ADGRE3: variants seen among roughly 807,000 people sequenced by gnomAD.
ADGRE3 encodes the protein EGF-like module receptor 3.
A neutral mutation model predicts 80.1 loss-of-function variants in ADGRE3; 88 were observed. The observed-to-expected ratio is 1.10, with a 90% CI of 0.93 to 1.31. The LOEUF (loss-of-function observed/expected upper bound fraction) is 1.31. Among genes scored for constraint, ADGRE3 ranks in the 40% most tolerant of loss-of-function variants. The pLI, the probability that ADGRE3 is intolerant of heterozygous loss-of-function variation, is 0.00. For missense variants in ADGRE3, 715 were observed against 776.5 expected (o/e 0.92, Z 0.94); for synonymous variants, 281 against 294.8 (o/e 0.95, Z 0.48).
At chr19:14,638,755 T>C (rs1225637744) in intron 10 of ADGRE3, among the ~76,000 whole-genome samples, 2 of 152,106 alleles carry the variant, frequency 1.3e-5, no homozygotes, top group East Asian at 3.8e-4. Flanking sequence ...ACTAAGACTT[T>C]GTATACTTTG....
the ADGRE3 span, among the ~76,000 whole-genome samples, chr19:14,601,374 C>G: frequency 6.6e-6 from 1 of 152,184 alleles, no homozygotes; most frequent in South Asian, 2.1e-4. Flanking sequence ...CACCTCCGTG[C>G]AACCAGAAGG....
At chr19:14,665,941 T>TATATGCATACATATATATAC (rs1261266823) in intron 2 of ADGRE3, among the ~76,000 whole-genome samples, 1 of 94,270 alleles carries the variant, frequency 1.1e-5, no homozygotes, top group African/African-American at 4.2e-5. Context: ...TATGTGTATA[T>TATATGCATACATATATATAC]ATATATATAT....
chr19:14,614,573 C>T (rs1454481689), downstream of ADGRE3, among the ~76,000 whole-genome samples: 4 of 151,626 alleles, frequency 2.6e-5, no homozygotes, highest in Non-Finnish European at 5.9e-5. Context: ...TTTACCAACG[C>T]CCGCCAATCT....
rs757036410 is a variant in ADGRE3, at chr19:14,647,838, G to A, written c.698-473C>T. ...CTCACACCTGTAACCCCAGCACTTT[G>A]GGAGGCTGAGGGGGTGGTGGATCAC... On this transcript the variant is annotated intron_variant, in intron 7 of 15. Transcript: ENST00000253673. Among the ~76,000 whole-genome samples the A allele has an allele frequency of 3.4e-4, 52 of 151,872 alleles. No homozygotes were observed. In the South Asian group the frequency reaches 4.6e-3, roughly 13 times the overall value.
At chr19:14,664,209 G>A (rs918202396) in intron 2 of ADGRE3, among the ~76,000 whole-genome samples, 7 of 151,982 alleles carry the variant, frequency 4.6e-5, no homozygotes, top group African/African-American at 1.2e-4. Flanking sequence ...AGGCTGAGGC[G>A]GGTGGATCAC....
At chr19:14,658,743 T>C (rs1458010020) in intron 4 of ADGRE3, among the ~76,000 whole-genome samples, 193 bp from the exon 5 acceptor site, 2 of 152,088 alleles carry the variant, frequency 1.3e-5, no homozygotes, top group African/African-American at 4.8e-5. Flanking sequence ...TTATTTTTTA[T>C]TTTTATTTTG....
rs750128292 is a variant in ADGRE3 at position 14,630,172 on chromosome 19, A to C, written c.1679T>G (p.Ile560Ser). 2.1e-5 allele frequency: 34 copies of C among 1,610,940 alleles called. No homozygotes were observed. Among genetic ancestry groups the C allele is most frequent in the Non-Finnish European group, 2.9e-5 (34 of 1,178,162 alleles). ...GCCCAGACACCATGTGCAGCCCAGGATGAAGAGCTGAGCTGTTGCTTTGAA... is the reference window on the plus strand; with the variant it reads ...GCCCAGACACCATGTGCAGCCCAGGCTGAAGAGCTGAGCTGTTGCTTTGAA... ...LAFKATAQLF[I>S]LGCTWCLGLL... Residue 560 changes from isoleucine to serine, a missense_variant, in exon 14 of 16, where the codon ATC becomes AGC. Transcript: ENST00000253673.
At chr19:14,644,718 G>C (rs141261037) in intron 8 of ADGRE3, among the ~76,000 whole-genome samples, 129 of 151,970 alleles carry the variant, frequency 8.5e-4, no homozygotes, top group African/African-American at 3.0e-3. Context: ...TGACTCAGGT[G>C]ATTTCTGTTT....
chr19:14,664,297 C>T (rs1332501839), intron 2 of ADGRE3, among the ~76,000 whole-genome samples: 1 of 151,982 alleles, frequency 6.6e-6, no homozygotes, highest in Non-Finnish European at 1.5e-5. Flanking sequence ...ATTAGCCAGG[C>T]GTAGTGGCAC....
rs1484106564 is a variant in ADGRE3 at position 14,636,008 on chromosome 19, TCTTTCTTCCTTCCTTCCTTC to T, written c.1484+2077_1484+2096del. 6.6e-5 allele frequency among the ~76,000 whole-genome samples: 5 copies of T among 76,074 alleles called. 1 individual carries two copies. Among genetic ancestry groups the T allele is most frequent in the African/African-American group, 2.8e-4 (5 of 17,758 alleles). 49.9% of individuals were successfully genotyped at this position (76,074 alleles called of 152,430 possible). A position where few individuals can be genotyped will look rare whatever the true frequency, so the allele number is the denominator to read the frequency against. ...GCTCTCCTTTCTCTCTCTTTCTCTT[TCTTTCTTCCTTCCTTCCTTC>T]CTTCCTTCCTTCCTTCCTTCCTTCC... On this transcript the variant is annotated intron_variant, in intron 11 of 15. Coordinates refer to ENST00000253673, the MANE Select transcript of ADGRE3 (RefSeq NM_032571.5).
chr19:14,668,569 T>A (rs1394186706), intron 2 of ADGRE3: 3 of 542,654 alleles, frequency 5.5e-6, no homozygotes, highest in Non-Finnish European at 9.8e-6. Flanking sequence ...CACTTTGTAC[T>A]CACTGTGGTT....
downstream of ADGRE3, among the ~76,000 whole-genome samples, chr19:14,616,051 C>A (rs904487657): frequency 6.6e-6 from 1 of 151,758 alleles, no homozygotes; most frequent in Non-Finnish European, 1.5e-5. Flanking sequence ...TCTGCCTCAG[C>A]CTCCCGAGTA....
the ADGRE3 span, among the ~76,000 whole-genome samples, chr19:14,608,582 G>A: frequency 5.3e-5 from 8 of 151,780 alleles, no homozygotes; most frequent in Non-Finnish European, 1.0e-4. Flanking sequence ...AAGCTCTCCA[G>A]GCTAATGGTT....
the ADGRE3 span, among the ~76,000 whole-genome samples, chr19:14,607,329 G>A: frequency 6.6e-6 from 1 of 150,652 alleles, no homozygotes; most frequent in Admixed American, 6.6e-5. Context: ...TCAGCCTCCC[G>A]AGTGGCTGGG....
At chr19:14,669,788 C>A (rs865948608) in intron 1 of ADGRE3, among the ~76,000 whole-genome samples, 1 of 152,140 alleles carries the variant, frequency 6.6e-6, no homozygotes, top group Admixed American at 6.6e-5. Context: ...CTCTGCCCAG[C>A]CCAATGACTA....
In ADGRE3 at chr19:14,638,130, G is replaced by T; in HGVS notation, c.1459C>A (p.Pro487Thr). Residue 487 changes from proline to threonine, a missense_variant, in exon 11 of 16, where the codon CCT (proline) becomes ACT (threonine). Pro to Thr is a conservative substitution (Grantham distance 38). Coordinates refer to ENST00000253673, the MANE Select transcript of ADGRE3 (RefSeq NM_032571.5). ...VTVAISAASWPHLYGTADRCW... is the reference protein window; with the variant it reads ...VTVAISAASWTHLYGTADRCW... ...CGATCAGCAGTTCCATAAAGGTGAG[G>T]CCAGGAGGCTGCAGAAATGGCCACA... 6.2e-7 allele frequency: 1 copy of T among 1,613,914 alleles called. No homozygotes were observed. Among genetic ancestry groups the T allele is most frequent in the Non-Finnish European group, 8.5e-7 (1 of 1,179,828 alleles).
chr19:14,633,233 C>T lies in ADGRE3; in HGVS notation c.1551+3G>A. 1 of 1,611,964 alleles carries T rather than the reference C, an allele frequency of 6.2e-7. No homozygotes were observed. The highest frequency in any genetic ancestry group is 8.5e-7 in the Non-Finnish European group (1 of 1,178,612). On this transcript the variant is annotated splice_donor_region_variant and intron_variant, in intron 12 of 15. Transcript: ENST00000253673. The stretch of plus-strand genomic sequence containing the variant: ...TTTGGGAACATCGAAGGCACATACT[C>T]ACAGAGAAAATGGCACAGACTGGGC...
chr19:14,615,562 A>G (rs1368075137), downstream of ADGRE3, among the ~76,000 whole-genome samples: 1 of 151,792 alleles, frequency 6.6e-6, no homozygotes, highest in Non-Finnish European at 1.5e-5. Context: ...TGAGTTCGAG[A>G]CCAGCCTGGG....
At chr19:14,647,422 T>G in intron 7 of ADGRE3, 57 bp from the exon 8 acceptor site, 2 of 1,380,106 alleles carry the variant, frequency 1.4e-6, no homozygotes, top group Admixed American at 5.1e-5. Flanking sequence ...TTTTTTTTTT[T>G]TTTTTTTGAG....
Sources: gnomAD v4.1 joint callset for allele counts (sites outside exome capture counted in the v4.1 genomes callset) on GRCh38, gnomAD v4.1.1 for gene constraint, MANE v1.5 for transcripts, NCBI Gene and HGNC (gene_info 2026-07-23, HGNC 2026-07-21) for gene names.